The following COG6 variants were observed in gnomAD, a reference collection of about 807,000 sequenced individuals.
COG6 encodes the protein component of oligomeric golgi complex 6.
A neutral mutation model predicts 88.8 loss-of-function variants in COG6; 74 were observed. That is an observed-to-expected ratio of 0.83 (90% CI 0.69 to 1.01). COG6 has a LOEUF of 1.01. Among genes scored for constraint, COG6 ranks in the 50% least tolerant of loss-of-function variants. COG6 has a pLI of 0.00. For synonymous variants in COG6, 286 were observed against 278.7 expected (o/e 1.03, Z -0.26); for missense variants, 800 against 797.9 (o/e 1.00, Z -0.03).
At chr13:39,711,389 A>T (rs1295860169) in intron 13 of COG6, among the ~76,000 whole-genome samples, 1 of 152,206 alleles carries the variant, frequency 6.6e-6, no homozygotes, top group African/African-American at 2.4e-5. Flanking sequence ...TGAAAAAATT[A>T]ACTTTATAGA....
chr13:39,662,281 C>T (rs1874951537), intron 3 of COG6, among the ~76,000 whole-genome samples: 1 of 151,776 alleles, frequency 6.6e-6, no homozygotes. Context: ...CGCCTGACAC[C>T]ATGCCTGGCT....
chr13:39,694,955 GCACA>G lies in COG6; in HGVS notation c.1166+262_1166+265del, dbSNP rs5803006. ...CTTTTTTCTCCAAGCTTAACTACAC[GCACA>G]CACACACACACACACACACACACAC... On this transcript the variant is annotated intron_variant, in intron 12 of 18. Transcript: ENST00000455146. 0.069 allele frequency among the ~76,000 whole-genome samples: 9,889 copies of G among 142,548 alleles called. 380 individuals carry two copies. Among genetic ancestry groups the G allele is most frequent in the Non-Finnish European group, 0.088 (5,745 of 65,082 alleles). 93.5% of individuals were successfully genotyped at this position (142,548 alleles called of 152,430 possible).
chr13:39,759,561 G>T (rs1441474501), intron 18 of COG6, among the ~76,000 whole-genome samples: 1 of 151,866 alleles, frequency 6.6e-6, no homozygotes, highest in African/African-American at 2.4e-5. Context: ...GTTACTTTGG[G>T]GCTATAATTA....
intron 18 of COG6, among the ~76,000 whole-genome samples, chr13:39,733,686 A>G (rs993254183): frequency 3.3e-5 from 5 of 151,090 alleles, no homozygotes; most frequent in African/African-American, 4.9e-5. Context: ...CTTCTCATCT[A>G]TTTCTTGGAA....
At chr13:39,696,535 T>C (rs1295692163) in intron 12 of COG6, among the ~76,000 whole-genome samples, 1 of 151,498 alleles carries the variant, frequency 6.6e-6, no homozygotes, top group Non-Finnish European at 1.5e-5. Flanking sequence ...AGGACAAAAA[T>C]ACACTCTGGT....
At chr13:39,738,572 G>A (rs909844206) in intron 18 of COG6, among the ~76,000 whole-genome samples, 2 of 152,138 alleles carry the variant, frequency 1.3e-5, no homozygotes, top group Non-Finnish European at 2.9e-5. Flanking sequence ...TGTACTAAAT[G>A]TGAAAGTACT....
chr13:39,751,696 CTG>C lies in COG6; in HGVS notation c.*607_*608del. The C allele has an allele frequency of 7.8e-7, 1 of 1,286,722 alleles. No individual in the cohort carries two copies. The highest frequency in any genetic ancestry group is 1.2e-5 in the South Asian group (1 of 80,930). 79.7% of individuals were successfully genotyped at this position (1,286,722 alleles called of 1,614,324 possible). A position where few individuals can be genotyped will look rare whatever the true frequency, so the allele number is the denominator to read the frequency against. On this transcript the variant is annotated 3_prime_UTR_variant, in exon 19 of 19. Coordinates refer to ENST00000455146, the MANE Select transcript of COG6 (RefSeq NM_020751.3). ...ACTTTAGCATACTATATATATTTGA[CTG>C]TGTACATTCTTATGCAATTTTAAGT...
chr13:39,720,877 A>AC (rs1419786297), intron 15 of COG6, among the ~76,000 whole-genome samples: 3 of 151,458 alleles, frequency 2.0e-5, no homozygotes, highest in Non-Finnish European at 4.4e-5. Context: ...CACTCCCCCA[A>AC]CCCCCCTGGA....
At chr13:39,658,070 T>G (rs2137938752) in intron 1 of COG6, among the ~76,000 whole-genome samples, 1 of 152,122 alleles carries the variant, frequency 6.6e-6, no homozygotes, top group East Asian at 1.9e-4. Flanking sequence ...TCACTTTTTT[T>G]TTTTTTTTTT....
intron 4 of COG6, among the ~76,000 whole-genome samples, chr13:39,671,116 G>A (rs1471586601): frequency 2.0e-5 from 3 of 151,910 alleles, no homozygotes; most frequent in African/African-American, 7.2e-5. Context: ...ACTGAGATAA[G>A]CTATAACAAC....
At chr13:39,755,404 T>G (rs1203971543), downstream of COG6, among the ~76,000 whole-genome samples, 2 of 152,142 alleles carry the variant, frequency 1.3e-5, no homozygotes, top group Non-Finnish European at 2.9e-5. Flanking sequence ...CCGGCCTTTA[T>G]CTTGCCTGTT....
At chr13:39,666,432 G>A (rs1425944531) in intron 4 of COG6, among the ~76,000 whole-genome samples, 1 of 152,004 alleles carries the variant, frequency 6.6e-6, no homozygotes, top group Non-Finnish European at 1.5e-5. Context: ...TAGTTTGAGT[G>A]AATATTATTT....
intron 1 of COG6, chr13:39,656,168 G>C (rs752481755): frequency 1.6e-5 from 9 of 575,830 alleles, no homozygotes; most frequent in South Asian, 1.4e-4. Context: ...GCCTCGAGAA[G>C]TGTCCTCCAA....
At chr13:39,656,976 T>A (rs1400659235) in intron 1 of COG6, 1 of 433,582 alleles carries the variant, frequency 2.3e-6, no homozygotes, top group Admixed American at 2.6e-5. Context: ...GTTTAATGTG[T>A]CTCATATTGA....
At chr13:39,677,358 C>G (rs1876032914) in intron 4 of COG6, 110 bp from the exon 5 acceptor site, 3 of 699,082 alleles carry the variant, frequency 4.3e-6, no homozygotes. Context: ...ATATTGAGAA[C>G]TTTTCATACC....
intron 7 of COG6, among the ~76,000 whole-genome samples, chr13:39,681,695 A>G (rs1259184555): frequency 6.6e-6 from 1 of 152,158 alleles, no homozygotes; most frequent in Non-Finnish European, 1.5e-5. Context: ...TGGTGTAGAA[A>G]TTTTTAAGAG....
chr13:39,745,471 A>G (rs1437919347), intron 18 of COG6, among the ~76,000 whole-genome samples: 1 of 152,240 alleles, frequency 6.6e-6, no homozygotes, highest in Non-Finnish European at 1.5e-5. Context: ...CAGCCAACAG[A>G]CACATGAAAA....
intron 13 of COG6, among the ~76,000 whole-genome samples, chr13:39,701,365 G>A (rs895447166): frequency 6.6e-6 from 1 of 151,904 alleles, no homozygotes; most frequent in Non-Finnish European, 1.5e-5. Flanking sequence ...ATCTAAAAGG[G>A]AGTGATACAT....
At chr13:39,698,381 A>G (rs1877391678) in intron 12 of COG6, among the ~76,000 whole-genome samples, 1 of 151,952 alleles carries the variant, frequency 6.6e-6, no homozygotes, top group Admixed American at 6.6e-5. Context: ...AATATTTTTA[A>G]CTAAAATACT....
Sources: gnomAD v4.1 joint callset for allele counts (sites outside exome capture counted in the v4.1 genomes callset) on GRCh38, gnomAD v4.1.1 for gene constraint, MANE v1.5 for transcripts, NCBI Gene and HGNC (gene_info 2026-07-23, HGNC 2026-07-21) for gene names.